Variants in EPHB2 observed in about 807,000 individuals in gnomAD.
The protein encoded by EPHB2 is EPH receptor B2, also known as ephrin type-B receptor 2.
Under a neutral mutation model 96.4 loss-of-function variants are expected in EPHB2, and 18 were observed. The observed-to-expected ratio is 0.19, with a 90% CI of 0.13 to 0.28. The LOEUF (loss-of-function observed/expected upper bound fraction) is 0.28. Ranked by LOEUF, EPHB2 falls within the 10% of genes least tolerant of loss-of-function variation. EPHB2 has a pLI of 1.00. For synonymous variants in EPHB2, 506 were observed against 534.1 expected, an observed-to-expected ratio of 0.95 and a Z score of 0.72; for missense variants, 989 against 1,355.4, an observed-to-expected ratio of 0.73 and a Z score of 4.25.
intron 6 of EPHB2, among the ~76,000 whole-genome samples, chr1:22,885,410 G>A (rs375027205): frequency 3.9e-5 from 6 of 152,238 alleles, no homozygotes; most frequent in East Asian, 1.9e-4. Context: ...CCTACTTTCC[G>A]CCGCTGCCCG....
At chr1:22,891,658 C>T (rs1306833241) in intron 6 of EPHB2, among the ~76,000 whole-genome samples, 2 of 152,210 alleles carry the variant, frequency 1.3e-5, no homozygotes, top group East Asian at 1.9e-4. Flanking sequence ...TTCCTTGGAT[C>T]GCCCTGGGTA....
intron 2 of EPHB2, among the ~76,000 whole-genome samples, chr1:22,783,716 G>C (rs1441673738): frequency 6.6e-6 from 1 of 152,186 alleles, no homozygotes; most frequent in African/African-American, 2.4e-5. Context: ...GTGAGGCTTA[G>C]CATCTCTCTG....
intron 9 of EPHB2, among the ~76,000 whole-genome samples, chr1:22,904,313 T>TAA (rs34057025): frequency 2.0e-5 from 3 of 149,392 alleles, no homozygotes; most frequent in East Asian, 2.0e-4. Context: ...AAAAATTAAT[T>TAA]AAAAAAAATC....
At position 22,764,339 on chromosome 1, in the gene EPHB2, G is replaced by A. The variant is rs77344211; in HGVS notation, c.62-17082G>A. Reference sequence around the variant, plus strand: ...TCTGGGCTAAGAACTTAACATGCATGATCTTGTCACAGCCACCTGCGAGGC... The same window carrying A: ...TCTGGGCTAAGAACTTAACATGCATAATCTTGTCACAGCCACCTGCGAGGC... On this transcript the variant is annotated intron_variant, in intron 1 of 15. Transcript: ENST00000374630. Among the ~76,000 whole-genome samples the A allele has an allele frequency of 6.6e-5, 10 of 152,304 alleles. No homozygotes were observed. The East Asian group carries it at 1.9e-3, about 29-fold the overall frequency.
intron 1 of EPHB2, among the ~76,000 whole-genome samples, chr1:22,711,611 C>A (rs1643147821): frequency 6.6e-6 from 1 of 151,962 alleles, no homozygotes; most frequent in South Asian, 2.1e-4. Context: ...GGTGCCTGCC[C>A]ATCGCCCGCG....
At chr1:22,787,920 G>A (rs149514615) in intron 3 of EPHB2, among the ~76,000 whole-genome samples, 71 of 152,274 alleles carry the variant, frequency 4.7e-4, no homozygotes, top group African/African-American at 1.7e-4. Flanking sequence ...GGTCACTCAC[G>A]GGGTTGTTGG....
chr1:22,834,373 A>G (rs1437999217), intron 3 of EPHB2, among the ~76,000 whole-genome samples: 2 of 152,242 alleles, frequency 1.3e-5, no homozygotes, highest in African/African-American at 4.8e-5. Context: ...ATGGTGGCCA[A>G]GGTGTTTAGC....
intron 3 of EPHB2, among the ~76,000 whole-genome samples, chr1:22,826,790 T>C (rs10917314): frequency 0.55 from 82,694 of 150,864 alleles, 22,651 homozygotes; most frequent in East Asian, 0.7. Flanking sequence ...GCTCCCTCCT[T>C]GTCTGGCCCT....
At chr1:22,714,217 G>T (rs1296770732) in intron 1 of EPHB2, among the ~76,000 whole-genome samples, 1 of 152,166 alleles carries the variant, frequency 6.6e-6, no homozygotes, top group African/African-American at 2.4e-5. Flanking sequence ...CCCAGAGGAG[G>T]CTGTGAACCC....
chr1:22,778,380 ATC>A (rs924694177), intron 1 of EPHB2, among the ~76,000 whole-genome samples: 4 of 152,216 alleles, frequency 2.6e-5, no homozygotes, highest in Non-Finnish European at 5.9e-5. Flanking sequence ...TAGAATCCAG[ATC>A]TCTGTTACCT....
rs548100232 is a variant in EPHB2 at position 22,913,359 on chromosome 1, T to C, written c.2853-103T>C. 2.4e-5 allele frequency: 36 copies of C among 1,475,936 alleles called. No individual in the cohort carries two copies. In the East Asian group the frequency reaches 8.3e-4, roughly 34 times the overall value. The allele number at this position is 1,475,936 out of a possible 1,614,324, so 91.4% of individuals were successfully genotyped here. A position where few individuals can be genotyped will look rare whatever the true frequency, so the allele number is the denominator to read the frequency against. On this transcript the variant is annotated intron_variant, in intron 15 of 15. Transcript: ENST00000374630. This position sits in a 1 kb window ranked among gnomAD's most constrained non-coding sequence, Gnocchi z 4.1. Reference sequence around the variant, plus strand: ...CCCACTCCCCACTCCCCAGTACTCCTTGCTTTGCCATCTTCCTCCCGGGGA... The same window carrying C: ...CCCACTCCCCACTCCCCAGTACTCCCTGCTTTGCCATCTTCCTCCCGGGGA...
At chr1:22,834,819 G>C (rs144527315) in intron 3 of EPHB2, among the ~76,000 whole-genome samples, 2,352 of 152,162 alleles carry the variant, frequency 0.015, 54 homozygotes, top group African/African-American at 0.051. Flanking sequence ...CAGCTACTTG[G>C]GAGGCTGAGG....
chr1:22,760,862 G>A (rs763187218), intron 1 of EPHB2, among the ~76,000 whole-genome samples: 5 of 152,066 alleles, frequency 3.3e-5, no homozygotes, highest in African/African-American at 4.8e-5. Context: ...GATCCTGTTC[G>A]GCCTTTTTCT....
At chr1:22,777,124 C>A (rs1024540392) in intron 1 of EPHB2, among the ~76,000 whole-genome samples, 33 of 152,164 alleles carry the variant, frequency 2.2e-4, no homozygotes, top group Non-Finnish European at 4.7e-4. Context: ...AACATTAGGG[C>A]AGGCCAAGAA....
chr1:22,715,731 G>C (rs966176702), intron 1 of EPHB2, among the ~76,000 whole-genome samples: 1 of 152,334 alleles, frequency 6.6e-6, no homozygotes, highest in South Asian at 2.1e-4. Flanking sequence ...GGCTGGTTGG[G>C]AGAAGGGATT....
At chr1:22,852,753 C>T (rs908706707) in intron 3 of EPHB2, among the ~76,000 whole-genome samples, 3 of 152,226 alleles carry the variant, frequency 2.0e-5, no homozygotes, top group Non-Finnish European at 4.4e-5. Flanking sequence ...CCGGTTGCTC[C>T]GGCCTTGGGG....
chr1:22,883,161 G>C (rs1639106619), intron 6 of EPHB2, among the ~76,000 whole-genome samples: 2 of 152,250 alleles, frequency 1.3e-5, no homozygotes, highest in African/African-American at 4.8e-5. Flanking sequence ...CCTGTGTCGA[G>C]TGTGGGTGAG....
chr1:22,872,552 G>A (rs1009519065), intron 5 of EPHB2, among the ~76,000 whole-genome samples: 8 of 152,156 alleles, frequency 5.3e-5, no homozygotes, highest in Non-Finnish European at 8.8e-5. Flanking sequence ...ACTCAGCAGT[G>A]TTGGTAGAGG....
intron 3 of EPHB2, among the ~76,000 whole-genome samples, chr1:22,853,240 C>G (rs1380192595): frequency 6.6e-6 from 1 of 152,252 alleles, no homozygotes; most frequent in African/African-American, 2.4e-5. Flanking sequence ...GTAGTCCCAG[C>G]TACTCAGGAG....
Sources: allele counts gnomAD v4.1 joint callset (sites outside exome capture counted in the v4.1 genomes callset), GRCh38; gene constraint gnomAD v4.1.1; non-coding constraint Gnocchi (gnomAD v3.1); transcripts MANE v1.5; gene names NCBI Gene and HGNC (gene_info 2026-07-23, HGNC 2026-07-21).